MRPS35: variants seen among roughly 807,000 people sequenced by gnomAD.
MRPS35 encodes the protein mitochondrial ribosomal protein S35.
Under a neutral mutation model 32.7 loss-of-function variants are expected in MRPS35, and 29 were observed. The ratio of observed to expected loss-of-function variants is 0.89; its 90% CI spans 0.66 to 1.21. MRPS35 has a LOEUF of 1.21. Among genes scored for constraint, MRPS35 ranks in the 50% most tolerant of loss-of-function variants. The probability of loss-of-function intolerance (pLI) is 0.00; values close to 1 mark genes in which losing one functional copy is unlikely to be tolerated. For missense variants in MRPS35, 373 were observed against 383.8 expected (o/e 0.97, Z 0.23); for synonymous variants, 148 against 139.3 (o/e 1.06, Z -0.44).
Position 27,710,922 on chromosome 12 carries a change from T to C in MRPS35, c.79T>C (p.Tyr27His). Residue 27 changes from tyrosine to histidine, a missense_variant, in exon 1 of 8, where the codon TAC becomes CAC. Coordinates refer to ENST00000081029, the MANE Select transcript of MRPS35 (RefSeq NM_021821.4). ...TCTGCGTGCATTCTCCACTGCCGTC[T>C]ACTCGGCCACTCCGGTCCCGACACC... The part of the protein sequence containing the change: ...RTLRAFSTAV[Y>H]SATPVPTPSL... 1 of 1,613,400 alleles carries C rather than the reference T, an allele frequency of 6.2e-7. No individual in the cohort carries two copies. The highest frequency in any genetic ancestry group is 8.5e-7 in the Non-Finnish European group (1 of 1,179,922).
intron 7 of MRPS35, among the ~76,000 whole-genome samples, chr12:27,750,584 C>T (rs923117928): frequency 1.3e-5 from 2 of 152,186 alleles, no homozygotes; most frequent in Non-Finnish European, 2.9e-5. Flanking sequence ...AGGTGGATCA[C>T]TTGAGCCCAG....
At chr12:27,720,627 AT>A (rs1481073685) in intron 4 of MRPS35, among the ~76,000 whole-genome samples, 2 of 151,802 alleles carry the variant, frequency 1.3e-5, no homozygotes, top group Non-Finnish European at 2.9e-5. Flanking sequence ...ATATGCTTAT[AT>A]TTATAATACT....
At chr12:27,725,134 T>C (rs974483306) in intron 5 of MRPS35, among the ~76,000 whole-genome samples, 3 of 152,140 alleles carry the variant, frequency 2.0e-5, no homozygotes, top group Admixed American at 1.3e-4. Context: ...CCAGCTTTTC[T>C]TGAACTCCTG....
Position 27,735,480 on chromosome 12 carries a change from G to A in MRPS35, c.556G>A (p.Ala186Thr), listed in dbSNP as rs143251276. Residue 186 changes from alanine (A) to threonine (T), a missense_variant, in exon 6 of 8, where the codon GCA (alanine) becomes ACA (threonine). Physicochemically the swap from Ala to Thr is moderately conservative, Grantham distance 58 (BLOSUM62 0). Transcript: ENST00000081029. ...TTCCAGTTTGAATTTAGATGATCAC[G>A]CAAAGAAGAAATTAATTAAACTTGT... is the stretch of plus-strand genomic sequence containing the variant. ...KLSSLNLDDH[A>T]KKKLIKLVGE... is the part of the protein sequence containing the mutation. 2.2e-5 allele frequency: 35 copies of A among 1,609,984 alleles called. No individual in the cohort carries two copies. Among genetic ancestry groups the A allele is most frequent in the African/African-American group, 6.7e-5 (5 of 74,628 alleles).
Position 27,735,341 on chromosome 12 carries a change from C to CT in MRPS35, c.523-103dup. 1.0e-5 allele frequency: 8 copies of CT among 799,752 alleles called. No homozygotes were observed. In the South Asian group the frequency reaches 1.6e-4, roughly 16 times the overall value. The allele number at this position is 799,752 out of a possible 1,614,324, so 49.5% of individuals were successfully genotyped here. A position where few individuals can be genotyped will look rare whatever the true frequency, so the allele number is the denominator to read the frequency against. ...TCTGTATAGAAAGGAGTTTGGAAAG[C>CT]TTTCTTTTTAGTGGATTTAATGTTA... On this transcript the variant is annotated intron_variant, in intron 5 of 7. Transcript: ENST00000081029.
chr12:27,754,138 C>T (rs993131428), intron 7 of MRPS35, among the ~76,000 whole-genome samples: 1 of 151,968 alleles, frequency 6.6e-6, no homozygotes, highest in Non-Finnish European at 1.5e-5. Context: ...CCTGTACTTC[C>T]AGCTACTCAG....
At chr12:27,716,555 T>A in intron 3 of MRPS35, 97 bp downstream of exon 3, 1 of 1,139,646 alleles carries the variant, frequency 8.8e-7, no homozygotes, top group African/African-American at 1.6e-5. Flanking sequence ...CCGTTCAGTG[T>A]ATAGCAGCTT....
chr12:27,755,210 T>C lies in MRPS35; in HGVS notation c.732T>C (p.Thr244=). ...CTGAAGAATGGGAAAAAAGTAAGACTGAAGCAGACATGGAAGAGTATATAT... is the reference window on the plus strand; with the variant it reads ...CTGAAGAATGGGAAAAAAGTAAGACCGAAGCAGACATGGAAGAGTATATAT... ...WNTEEWEKSK[T]EADMEEYIWE... is the part of the protein sequence containing the mutation. Residue 244 remains threonine, a synonymous_variant, in exon 8 of 8, where the codon ACT becomes ACC. Transcript: ENST00000081029. 6.3e-7 allele frequency: 1 copy of C among 1,576,348 alleles called. No individual in the cohort carries two copies. The highest frequency in any genetic ancestry group is 8.6e-7 in the Non-Finnish European group (1 of 1,168,326).
At position 27,716,431 on chromosome 12, in the gene MRPS35, A is replaced by G; in HGVS notation, c.294A>G (p.Ala98=). 1 of 1,614,118 alleles carries G rather than the reference A, an allele frequency of 6.2e-7. No homozygotes were observed. Among genetic ancestry groups the G allele is most frequent in the Non-Finnish European group, 8.5e-7 (1 of 1,180,028 alleles). Residue 98 remains alanine, a synonymous_variant, in exon 3 of 8, where the codon GCA becomes GCG. Transcript: ENST00000081029. ...CAGTAAAAAAGGGCGTGCCCATGGC[A>G]AAGGAGGGAAATCTAGAACTTTTAA... ...GYPVKKGVPM[A]KEGNLELLKI...
At chr12:27,714,866 T>C in intron 2 of MRPS35, 46 bp downstream of exon 2, 2 of 1,520,290 alleles carry the variant, frequency 1.3e-6, no homozygotes, top group Non-Finnish European at 9.1e-7. Flanking sequence ...TCTGGAGTTC[T>C]AAAATGAGGC....
At chr12:27,734,618 G>A (rs2140771157) in intron 5 of MRPS35, among the ~76,000 whole-genome samples, 1 of 152,268 alleles carries the variant, frequency 6.6e-6, no homozygotes, top group East Asian at 1.9e-4. Context: ...ATTAAAAATT[G>A]TGTTCATTTG....
rs115413142 is a variant in MRPS35, at chr12:27,738,313, G to A, written c.702+705G>A. 2.4e-3 allele frequency among the ~76,000 whole-genome samples: 361 copies of A among 152,200 alleles called. 7 individuals carry two copies. The highest frequency in any genetic ancestry group is 8.1e-3 in the African/African-American group (337 of 41,536). ...AATTGTGTGCATGAAAATTTTGACC[G>A]TGCTCCATCACATGAGATCAAGTGT... On this transcript the variant is annotated intron_variant, in intron 7 of 7. Coordinates refer to ENST00000081029, the MANE Select transcript of MRPS35 (RefSeq NM_021821.4).
In MRPS35 at chr12:27,716,993, G is replaced by GT. The variant is rs1555255059; in HGVS notation, c.321+535_321+536insT. ...GCGATAGAGTGAGACTCTGTCTCAG[G>GT]AAAAAAAAAAAGAGTAATTAGTCAA... On this transcript the variant is annotated intron_variant, in intron 3 of 7. Transcript: ENST00000081029. 4.8e-5 allele frequency among the ~76,000 whole-genome samples: 7 copies of GT among 146,068 alleles called. No individual in the cohort carries two copies. The East Asian group carries it at 1.4e-3, about 29-fold the overall frequency.
At chr12:27,725,924 G>C (rs1280069536) in intron 5 of MRPS35, among the ~76,000 whole-genome samples, 1 of 147,234 alleles carries the variant, frequency 6.8e-6, no homozygotes, top group Non-Finnish European at 1.5e-5. Flanking sequence ...TCCCATCTCA[G>C]CCTCCTGAGC....
chr12:27,732,609 A>G (rs747523514), intron 5 of MRPS35, among the ~76,000 whole-genome samples: 16 of 152,224 alleles, frequency 1.1e-4, no homozygotes, highest in Non-Finnish European at 2.1e-4. Flanking sequence ...AAGGTAGTCA[A>G]CTGTTAGAAA....
chr12:27,746,970 G>C (rs1396129967), intron 7 of MRPS35, among the ~76,000 whole-genome samples: 1 of 151,978 alleles, frequency 6.6e-6, no homozygotes, highest in Non-Finnish European at 1.5e-5. Context: ...ATTACTGTTA[G>C]AGTAATTGTT....
intron 7 of MRPS35, among the ~76,000 whole-genome samples, chr12:27,750,639 CA>C (rs35145529): frequency 0.21 from 32,399 of 151,620 alleles, 4,029 homozygotes; most frequent in African/African-American, 0.35. Flanking sequence ...CCCGTCTCTA[CA>C]AAAAAAATGC....
intron 5 of MRPS35, among the ~76,000 whole-genome samples, chr12:27,726,535 C>T (rs999589641): frequency 6.6e-6 from 1 of 152,042 alleles, no homozygotes. Context: ...TGCATGGCAC[C>T]TCCATATTTA....
chr12:27,738,574 CA>C (rs1391359489), intron 7 of MRPS35, among the ~76,000 whole-genome samples: 8 of 152,058 alleles, frequency 5.3e-5, no homozygotes, highest in Admixed American at 2.0e-4. Flanking sequence ...TTAGGTAACT[CA>C]AAGTTTGAAA....
Sources: gnomAD v4.1 joint callset for allele counts (sites outside exome capture counted in the v4.1 genomes callset) on GRCh38, gnomAD v4.1.1 for gene constraint, MANE v1.5 for transcripts, NCBI Gene and HGNC (gene_info 2026-07-23, HGNC 2026-07-21) for gene names.